Variants in TRIM34 observed in about 807,000 individuals in gnomAD.
TRIM34 encodes the protein E3 ubiquitin-protein ligase TRIM34.
In TRIM34, 41 loss-of-function variants were observed where a neutral mutation model predicts 38.1. The observed-to-expected ratio is 1.08, with a 90% CI of 0.84 to 1.40. The LOEUF (loss-of-function observed/expected upper bound fraction) is 1.40, where lower values mean the gene tolerates loss of function less well. TRIM34 is among the 40% of genes most tolerant of loss of function. TRIM34 has a pLI of 0.00. For synonymous variants in TRIM34, 200 were observed against 202.5 expected (o/e 0.99, Z 0.10); for missense variants, 556 against 571.4 (o/e 0.97, Z 0.27).
intron 5 of TRIM34, among the ~76,000 whole-genome samples, chr11:5,641,709 T>TCTC (rs1201298988): frequency 5.9e-5 from 9 of 152,190 alleles, no homozygotes; most frequent in Admixed American, 2.6e-4. Flanking sequence ...TGATAATTAA[T>TCTC]CTCTGCCAGT....
intron 1 of TRIM34, among the ~76,000 whole-genome samples, chr11:5,629,770 C>T (rs1564883120): frequency 1.3e-5 from 2 of 152,140 alleles, no homozygotes; most frequent in Non-Finnish European, 1.5e-5. Flanking sequence ...TGCAGTGGTG[C>T]GATCTCGGCT....
intron 4 of TRIM34, among the ~76,000 whole-genome samples, chr11:5,640,366 C>A (rs1849955024): frequency 6.6e-6 from 1 of 151,742 alleles, no homozygotes; most frequent in Admixed American, 6.6e-5. Context: ...TTGCTGAATG[C>A]TTTTTTTCAT....
At chr11:5,630,004 C>A (rs567203209) in intron 1 of TRIM34, among the ~76,000 whole-genome samples, 1 of 152,162 alleles carries the variant, frequency 6.6e-6, no homozygotes, top group South Asian at 2.1e-4. Flanking sequence ...CCGCGCCCGG[C>A]CTCAGTGAGG....
rs747116257 is a variant in TRIM34, at chr11:5,643,569, A to G, written c.1327A>G (p.Ile443Val). Residue 443 changes from isoleucine (I) to valine (V), a missense_variant, in exon 8 of 8, where the codon ATT becomes GTT. Coordinates refer to ENST00000429814, the MANE Select transcript of TRIM34 (RefSeq NM_021616.6). ...GGTTTTCCTCGACTATGAAGCAGGC[A>G]TTGTCTCATTTTTCAATGTCACAAG... ...VGVFLDYEAG[I>V]VSFFNVTSHG... The G allele has an allele frequency of 6.2e-7, 1 of 1,614,034 alleles. No individual in the cohort carries two copies. The highest frequency in any genetic ancestry group is 1.1e-5 in the South Asian group (1 of 91,060).
intron 4 of TRIM34, among the ~76,000 whole-genome samples, chr11:5,637,264 G>A (rs560795802): frequency 6.6e-6 from 1 of 152,256 alleles, no homozygotes; most frequent in Admixed American, 6.5e-5. Context: ...TTTCTATATG[G>A]ATTCTCATGA....
At chr11:5,642,598 G>A in intron 6 of TRIM34, 92 bp downstream of exon 6, 1 of 1,484,748 alleles carries the variant, frequency 6.7e-7, no homozygotes, top group South Asian at 1.3e-5. Context: ...ATTGAGGACA[G>A]AAGAGAGGAG....
Position 5,632,734 on chromosome 11 carries a change from G to C in TRIM34, c.403G>C (p.Glu135Gln). 6.2e-7 allele frequency: 1 copy of C among 1,606,324 alleles called. No individual in the cohort carries two copies. Among genetic ancestry groups the C allele is most frequent in the Middle Eastern group, 1.7e-4 (1 of 6,036 alleles). Residue 135 changes from glutamate to glutamine, a missense_variant, in exon 2 of 8, where the codon GAA becomes CAA. Glu to Gln is a conservative substitution (Grantham distance 29). Coordinates refer to ENST00000429814, the MANE Select transcript of TRIM34 (RefSeq NM_021616.6). ...HRGHHTVLTE[E>Q]VFKECQEKLQ... ...TGGTCACCACACAGTCCTCACGGAGGAAGTATTCAAGGAATGTCAGGTAGG... is the reference window on the plus strand; with the variant it reads ...TGGTCACCACACAGTCCTCACGGAGCAAGTATTCAAGGAATGTCAGGTAGG...
At chr11:5,621,095 A>T (rs1564878420), upstream of TRIM34, among the ~76,000 whole-genome samples, 1 of 152,190 alleles carries the variant, frequency 6.6e-6, no homozygotes, top group Non-Finnish European at 1.5e-5. Flanking sequence ...ACTCATCCAT[A>T]GCAACTGGAG....
At chr11:5,636,362 G>A (rs1445756759) in intron 4 of TRIM34, among the ~76,000 whole-genome samples, 1 of 152,146 alleles carries the variant, frequency 6.6e-6, no homozygotes, top group Non-Finnish European at 1.5e-5. Context: ...CCAGAGCTCT[G>A]GGGAAGAATA....
At position 5,634,682 on chromosome 11, in the gene TRIM34, A is replaced by G. The variant is rs202107885; in HGVS notation, c.571A>G (p.Arg191Gly). Residue 191 changes from arginine (R) to glycine (G), a missense_variant, in exon 4 of 8, where the codon AGA becomes GGA. Physicochemically the swap from Arg to Gly is moderately radical, Grantham distance 125. Coordinates refer to ENST00000429814, the MANE Select transcript of TRIM34 (RefSeq NM_021616.6). ...QRIQTEFDQLRSILNNEEQRE... is the reference protein window; with the variant it reads ...QRIQTEFDQLGSILNNEEQRE... ...GATACAAACAGAATTTGATCAGCTT[A>G]GAAGCATCCTAAATAATGAGGAGCA... The G allele has an allele frequency of 6.2e-7, 1 of 1,614,166 alleles. No individual in the cohort carries two copies. Among genetic ancestry groups the G allele is most frequent in the Admixed American group, 1.7e-5 (1 of 60,028 alleles).
intron 1 of TRIM34, 44 bp downstream of exon 1, chr11:5,625,104 G>A (rs914254360): frequency 1.3e-5 from 2 of 152,182 alleles, no homozygotes; most frequent in African/African-American, 4.8e-5. Context: ...TGAGACTCCA[G>A]GAGAAAAGTT....
At chr11:5,634,467 A>AAT (rs35894966) in intron 3 of TRIM34, among the ~76,000 whole-genome samples, 164 bp from the exon 4 acceptor site, 33,942 of 145,950 alleles carry the variant, frequency 0.23, 4,903 homozygotes, top group Non-Finnish European at 0.33. Context: ...AGATAATACA[A>AAT]ATATATATAT....
chr11:5,621,124 T>C (rs954346749), upstream of TRIM34, among the ~76,000 whole-genome samples: 3 of 152,208 alleles, frequency 2.0e-5, no homozygotes, highest in Non-Finnish European at 4.4e-5. Flanking sequence ...CTTCTATCCA[T>C]TTTCCTTTAA....
intron 4 of TRIM34, among the ~76,000 whole-genome samples, chr11:5,636,124 G>A (rs1044673766): frequency 6.6e-6 from 1 of 152,102 alleles, no homozygotes. Context: ...AAAACAACTC[G>A]TATCTCCTTA....
At chr11:5,630,245 C>A (rs891721085) in intron 1 of TRIM34, among the ~76,000 whole-genome samples, 1 of 152,096 alleles carries the variant, frequency 6.6e-6, no homozygotes, top group Admixed American at 6.5e-5. Flanking sequence ...ATGGTGATGG[C>A]GATGTGTTTT....
At chr11:5,633,497 G>A (rs1303768880) in intron 2 of TRIM34, among the ~76,000 whole-genome samples, 1 of 152,142 alleles carries the variant, frequency 6.6e-6, no homozygotes, top group African/African-American at 2.4e-5. Context: ...AATTGCTAAG[G>A]AACATTGTGG....
chr11:5,637,581 A>AT (rs916840334), intron 4 of TRIM34, among the ~76,000 whole-genome samples: 1 of 152,018 alleles, frequency 6.6e-6, no homozygotes, highest in African/African-American at 2.4e-5. Flanking sequence ...ATTATTTAAA[A>AT]TTTTTTTTCC....
intron 1 of TRIM34, among the ~76,000 whole-genome samples, chr11:5,628,092 G>C (rs1407021710): frequency 5.3e-5 from 8 of 152,200 alleles, no homozygotes; most frequent in Non-Finnish European, 1.5e-5. Context: ...CTGGGAAGTG[G>C]TGGGGTCATT....
At chr11:5,622,284 A>T (rs564430883), upstream of TRIM34, among the ~76,000 whole-genome samples, 1 of 152,218 alleles carries the variant, frequency 6.6e-6, no homozygotes, top group South Asian at 2.1e-4. Flanking sequence ...CCTCTATTAA[A>T]AATACAAAAA....
Sources: allele counts gnomAD v4.1 joint callset (sites outside exome capture counted in the v4.1 genomes callset), GRCh38; gene constraint gnomAD v4.1.1; transcripts MANE v1.5; gene names NCBI Gene and HGNC (gene_info 2026-07-23, HGNC 2026-07-21).